SIRPD: variants seen among roughly 807,000 people sequenced by gnomAD.
SIRPD encodes the protein signal regulatory protein delta.
A neutral mutation model predicts 18.0 loss-of-function variants in SIRPD; 21 were observed. The ratio of observed to expected loss-of-function variants is 1.17; its 90% CI spans 0.83 to 1.68. The LOEUF (loss-of-function observed/expected upper bound fraction) is 1.68. SIRPD is among the 40% of genes most tolerant of loss of function. The pLI, the probability that SIRPD is intolerant of heterozygous loss-of-function variation, is 0.00. For synonymous variants in SIRPD, 106 were observed against 92.9 expected (o/e 1.14, Z -0.81); for missense variants, 295 against 238.4 (o/e 1.24, Z -1.56).
In SIRPD at chr20:1,553,349, G is replaced by T. The variant is rs2091027355; in HGVS notation, c.74-1311C>A. ...TCAGGTCCCCATCACATTCCAGTTG[G>T]TAATGGGAAGGTGACTGGGATCATG... On this transcript the variant is annotated intron_variant, in intron 1 of 3. Transcript: ENST00000381623. 2.0e-5 allele frequency among the ~76,000 whole-genome samples: 3 copies of T among 152,136 alleles called. 1 individual carries two copies. The South Asian group carries it at 6.2e-4, about 32-fold the overall frequency.
chr20:1,538,229 G>T (rs548214292), intron 2 of SIRPD, among the ~76,000 whole-genome samples: 49 of 152,260 alleles, frequency 3.2e-4, no homozygotes, highest in African/African-American at 1.2e-3. Context: ...GATGAGAATG[G>T]TGATGAGAAG....
At chr20:1,550,363 G>T (rs2091013613) in intron 2 of SIRPD, among the ~76,000 whole-genome samples, 1 of 152,222 alleles carries the variant, frequency 6.6e-6, no homozygotes, top group Non-Finnish European at 1.5e-5. Flanking sequence ...ATTTGTGAAG[G>T]TTGGTAGGAA....
intron 2 of SIRPD, among the ~76,000 whole-genome samples, chr20:1,546,791 G>A (rs2090995489): frequency 1.3e-5 from 2 of 152,122 alleles, no homozygotes; most frequent in South Asian, 2.1e-4. Flanking sequence ...TGAGTGCAAA[G>A]TTGTATTTCA....
intron 1 of SIRPD, among the ~76,000 whole-genome samples, chr20:1,552,638 G>C (rs2091024511): frequency 6.6e-6 from 1 of 152,046 alleles, no homozygotes; most frequent in Non-Finnish European, 1.5e-5. Context: ...GAACCTCAAG[G>C]GCCCTCTACA....
intron 2 of SIRPD, 33 bp downstream of exon 2, chr20:1,551,658 C>T (rs781558507): frequency 1.9e-4 from 294 of 1,520,800 alleles, no homozygotes; most frequent in Non-Finnish European, 2.5e-4. Context: ...ATATTATACA[C>T]CAGGGGGTAT....
intron 3 of SIRPD, among the ~76,000 whole-genome samples, chr20:1,536,011 C>G (rs1489950056): frequency 6.6e-6 from 1 of 152,188 alleles, no homozygotes; most frequent in Non-Finnish European, 1.5e-5. Flanking sequence ...GCTTTCAGTT[C>G]CTTCTTCTAC....
chr20:1,553,221 CAGTGCCAGGCCATGGTAGG>C (rs1301428787), intron 1 of SIRPD, among the ~76,000 whole-genome samples: 1 of 152,172 alleles, frequency 6.6e-6, no homozygotes, highest in African/African-American at 2.4e-5. Flanking sequence ...TCCCTAACAA[CAGTGCCAGGCCATGGTAGG>C]AGATCACATC....
chr20:1,548,081 T>A (rs1232276828), intron 2 of SIRPD, among the ~76,000 whole-genome samples: 1 of 152,214 alleles, frequency 6.6e-6, no homozygotes, highest in Non-Finnish European at 1.5e-5. Flanking sequence ...ATTACTTAAT[T>A]GTCCTGACTA....
At chr20:1,534,655 A>G (rs2090937806) in intron 3 of SIRPD, among the ~76,000 whole-genome samples, 1 of 152,218 alleles carries the variant, frequency 6.6e-6, no homozygotes, top group African/African-American at 2.4e-5. Flanking sequence ...CATCACAGTC[A>G]TGATCTTATG....
At chr20:1,555,978 G>C (rs1246999464) in intron 1 of SIRPD, among the ~76,000 whole-genome samples, 1 of 152,134 alleles carries the variant, frequency 6.6e-6, no homozygotes, top group African/African-American at 2.4e-5. Context: ...TCAGGTCTTT[G>C]TGGTTGTAGG....
Position 1,551,736 on chromosome 20 carries a change from T to G in SIRPD, c.376A>C (p.Ile126Leu), listed in dbSNP as rs1208942539. 1 of 1,613,978 alleles carries G rather than the reference T, an allele frequency of 6.2e-7. No individual in the cohort carries two copies. The change falls in exon 2 of 4, where the codon ATC (isoleucine) becomes CTC (leucine). Residue 126 changes from isoleucine to leucine, a missense_variant. Physicochemically the swap from Ile to Leu is conservative, Grantham distance 5 (BLOSUM62 2). Transcript: ENST00000381623. ...CCCCGACCTGATTGGTACTCCTTGA[T>G]AGCTCTTCCTTTTATGAACTTCACG... ...YCVKFIKGRA[I>L]KEYQSGRGTQ...
At chr20:1,548,581 A>G (rs1355673334) in intron 2 of SIRPD, among the ~76,000 whole-genome samples, 1 of 151,738 alleles carries the variant, frequency 6.6e-6, no homozygotes, top group Admixed American at 6.6e-5. Context: ...TTTTCTTGTG[A>G]TGTCTTTGTC....
At chr20:1,535,339 T>G (rs1303008863) in intron 3 of SIRPD, among the ~76,000 whole-genome samples, 1 of 152,164 alleles carries the variant, frequency 6.6e-6, no homozygotes, top group Non-Finnish European at 1.5e-5. Flanking sequence ...TTGATTGCTA[T>G]AGTTTAAATA....
At chr20:1,541,416 G>A (rs1437666083) in intron 2 of SIRPD, among the ~76,000 whole-genome samples, 1 of 152,128 alleles carries the variant, frequency 6.6e-6, no homozygotes, top group Admixed American at 6.5e-5. Flanking sequence ...TCATTTGTTT[G>A]TTGGCTGCAT....
chr20:1,535,070 A>G (rs1309146907), intron 3 of SIRPD, among the ~76,000 whole-genome samples: 1 of 152,222 alleles, frequency 6.6e-6, no homozygotes, highest in Non-Finnish European at 1.5e-5. Context: ...CAACCACAAA[A>G]TGGAAAACTA....
intron 2 of SIRPD, among the ~76,000 whole-genome samples, chr20:1,538,645 C>T (rs1194938825): frequency 2.0e-5 from 3 of 152,184 alleles, no homozygotes; most frequent in Non-Finnish European, 4.4e-5. Flanking sequence ...ATTTTTGGAA[C>T]CTTGCCACCA....
intron 3 of SIRPD, 123 bp downstream of exon 3, chr20:1,537,032 G>A: frequency 9.1e-7 from 1 of 1,103,064 alleles, no homozygotes; most frequent in Admixed American, 2.6e-5. Context: ...GGAAGGGGTG[G>A]CAAAGAAAGA....
Position 1,540,563 on chromosome 20 carries a change from T to A in SIRPD, c.422-3253A>T, listed in dbSNP as rs573187777. Among the ~76,000 whole-genome samples, 3 of 152,274 alleles carry A rather than the reference T, an allele frequency of 2.0e-5. No individual in the cohort carries two copies. In the South Asian group the frequency reaches 6.2e-4, roughly 32 times the overall value. ...ACCATCCCCCAAATCATAAGAAATG[T>A]TCTGTCTTTAATCTACTTTCTGTCT... On this transcript the variant is annotated intron_variant, in intron 2 of 3. Transcript: ENST00000381623.
chr20:1,551,927 A>G lies in SIRPD; in HGVS notation c.185T>C (p.Val62Ala), dbSNP rs779996175. The G allele has an allele frequency of 4.3e-6, 7 of 1,614,142 alleles. No homozygotes were observed. The change falls in exon 2 of 4, where the codon GTC (valine) becomes GCC (alanine). Residue 62 changes from valine (V) to alanine (A), a missense_variant. Val to Ala is a moderately conservative substitution (Grantham distance 64, BLOSUM62 0). Coordinates refer to ENST00000381623, the MANE Select transcript of SIRPD (RefSeq NM_178460.3). Reference protein sequence around the residue: ...SVPNTLPNGPVLWFKGTGPNR... With the variant: ...SVPNTLPNGPALWFKGTGPNR... ...TGGCCCTGTTCCCTTGAACCACAAGACAGGTCCATTTGGTAAGGTATTGGG... is the reference window on the plus strand; with the variant it reads ...TGGCCCTGTTCCCTTGAACCACAAGGCAGGTCCATTTGGTAAGGTATTGGG...
Sources: allele counts gnomAD v4.1 joint callset (sites outside exome capture counted in the v4.1 genomes callset), GRCh38; gene constraint gnomAD v4.1.1; transcripts MANE v1.5; gene names NCBI Gene and HGNC (gene_info 2026-07-23, HGNC 2026-07-21).